The following CACNA2D3 variants were observed in gnomAD, a reference collection of about 807,000 sequenced individuals.
CACNA2D3 encodes the protein voltage-dependent calcium channel subunit alpha-2/delta-3.
In CACNA2D3, 60 loss-of-function variants were observed where a neutral mutation model predicts 160.6. That is an observed-to-expected ratio of 0.37 (90% confidence interval 0.30 to 0.46). The LOEUF (loss-of-function observed/expected upper bound fraction) is 0.46, where lower values mean the gene tolerates loss of function less well. Among genes scored for constraint, CACNA2D3 ranks in the 20% least tolerant of loss-of-function variants. The probability of loss-of-function intolerance (pLI) is 1.00; values close to 1 mark genes in which losing one functional copy is unlikely to be tolerated. For synonymous variants in CACNA2D3, 558 were observed against 492.9 expected, an observed-to-expected ratio of 1.13 and a Z score of -1.75; for missense variants, 1,205 against 1,365.0, an observed-to-expected ratio of 0.88 and a Z score of 1.85.
chr3:54,357,766 G>A (rs2107538613), intron 3 of CACNA2D3, among the ~76,000 whole-genome samples: 1 of 152,308 alleles, frequency 6.6e-6, no homozygotes, highest in Non-Finnish European at 1.5e-5. Flanking sequence ...ACTATGAGAA[G>A]ACCTGGAGGA....
intron 35 of CACNA2D3, among the ~76,000 whole-genome samples, chr3:55,056,836 A>C (rs358062): frequency 0.27 from 40,488 of 152,100 alleles, 6,545 homozygotes; most frequent in African/African-American, 0.45. Flanking sequence ...TTGAAGGGTA[A>C]AAAATCTCAC....
chr3:54,542,268 G>T (rs1046808673), intron 5 of CACNA2D3, among the ~76,000 whole-genome samples: 1 of 151,962 alleles, frequency 6.6e-6, no homozygotes, highest in Non-Finnish European at 1.5e-5. Context: ...TACCATGTTG[G>T]CCAGGATGGT....
At chr3:54,877,060 A>G (rs903364896) in intron 18 of CACNA2D3, 6 of 152,228 alleles carry the variant, frequency 3.9e-5, no homozygotes, top group African/African-American at 1.4e-4. Context: ...GTAAACCTAC[A>G]GGCAGTTAAG....
intron 25 of CACNA2D3, among the ~76,000 whole-genome samples, chr3:54,892,913 G>T (rs114084022): frequency 2.0e-5 from 3 of 152,098 alleles, no homozygotes; most frequent in African/African-American, 7.2e-5. Context: ...ATCTCACTTG[G>T]GTATCTTCAT....
intron 11 of CACNA2D3, among the ~76,000 whole-genome samples, chr3:54,647,045 A>G (rs566802302): frequency 1.3e-5 from 2 of 152,360 alleles, no homozygotes; most frequent in Non-Finnish European, 2.9e-5. Flanking sequence ...CCTCAGTCTT[A>G]CAGCAAAAAG....
At chr3:54,719,481 A>C (rs1701128457) in intron 11 of CACNA2D3, among the ~76,000 whole-genome samples, 2 of 152,138 alleles carry the variant, frequency 1.3e-5, no homozygotes, top group South Asian at 4.1e-4. Flanking sequence ...TGATAAAATA[A>C]CTTTACATTC....
chr3:54,277,007 G>A (rs1702758812), intron 2 of CACNA2D3, among the ~76,000 whole-genome samples: 2 of 152,288 alleles, frequency 1.3e-5, no homozygotes, highest in Middle Eastern at 3.4e-3. Flanking sequence ...TCAAATTCAG[G>A]GCCTGTCCTT....
intron 29 of CACNA2D3, among the ~76,000 whole-genome samples, chr3:54,973,908 G>A (rs2222682): frequency 0.51 from 77,961 of 151,960 alleles, 20,390 homozygotes; most frequent in East Asian, 0.68. Context: ...GCAAGGAGTG[G>A]CACCTTCCTG....
intron 2 of CACNA2D3, among the ~76,000 whole-genome samples, chr3:54,148,521 A>G (rs11717065): frequency 0.2 from 30,848 of 152,132 alleles, 3,215 homozygotes; most frequent in South Asian, 0.25. Flanking sequence ...TTGCAGGGTC[A>G]GAGTCAGTGT....
At chr3:54,269,138 T>A (rs1702571143) in intron 2 of CACNA2D3, among the ~76,000 whole-genome samples, 1 of 152,082 alleles carries the variant, frequency 6.6e-6, no homozygotes, top group Admixed American at 6.5e-5. Context: ...AAACCACAGT[T>A]TGGGGCCTGG....
At chr3:54,997,876 T>C (rs779769927) in intron 31 of CACNA2D3, among the ~76,000 whole-genome samples, 14 of 152,200 alleles carry the variant, frequency 9.2e-5, no homozygotes, top group African/African-American at 1.9e-4. Flanking sequence ...GATTCTTCGA[T>C]GAGGCCTCAT....
intron 27 of CACNA2D3, among the ~76,000 whole-genome samples, chr3:54,934,796 A>G (rs970840392): frequency 1.3e-5 from 2 of 152,154 alleles, no homozygotes; most frequent in African/African-American, 2.4e-5. Flanking sequence ...CAGTGGCGCT[A>G]TCGTAGCTCA....
intron 27 of CACNA2D3, among the ~76,000 whole-genome samples, chr3:54,909,733 C>T (rs990138232): frequency 1.3e-5 from 2 of 149,498 alleles, no homozygotes; most frequent in South Asian, 4.2e-4. Flanking sequence ...TGGGGCCCTG[C>T]AACATTTACA....
chr3:54,189,718 T>C (rs1700945441), intron 2 of CACNA2D3, among the ~76,000 whole-genome samples: 1 of 152,164 alleles, frequency 6.6e-6, no homozygotes, highest in African/African-American at 2.4e-5. Flanking sequence ...TCCTTCCCAC[T>C]GGATTGGGCA....
At chr3:55,033,303 A>T (rs1354237017) in intron 35 of CACNA2D3, among the ~76,000 whole-genome samples, 1 of 152,120 alleles carries the variant, frequency 6.6e-6, no homozygotes, top group Non-Finnish European at 1.5e-5. Context: ...AGTAGCATAA[A>T]CATGGTAAGT....
Position 54,608,020 on chromosome 3 carries a change from G to A in CACNA2D3, c.964-19767G>A, listed in dbSNP as rs563100722. ...GACTAGGAGTGGAGGGGAGTATAGG[G>A]CGATAAAGGGTTATTGCAAGGGAGT... is the stretch of plus-strand genomic sequence containing the variant. On this transcript the variant is annotated intron_variant, in intron 9 of 37. Coordinates refer to ENST00000474759, the MANE Select transcript of CACNA2D3 (RefSeq NM_018398.3). Among the ~76,000 whole-genome samples, 14 of 152,224 alleles carry A rather than the reference G, an allele frequency of 9.2e-5. No homozygotes were observed. The South Asian group carries it at 2.7e-3, about 29-fold the overall frequency.
intron 15 of CACNA2D3, among the ~76,000 whole-genome samples, chr3:54,838,163 G>A (rs1003718463): frequency 6.6e-6 from 1 of 152,234 alleles, no homozygotes; most frequent in African/African-American, 2.4e-5. Context: ...CCAGATGGCA[G>A]TGTAAATTGA....
chr3:54,321,922 CA>C (rs1214395409), intron 3 of CACNA2D3, among the ~76,000 whole-genome samples: 3,484 of 100,678 alleles, frequency 0.035, 85 homozygotes, highest in African/African-American at 0.12. Context: ...GAAATCCTTG[CA>C]AAAAAAAAAA....
At chr3:54,464,427 C>G (rs1559488719) in intron 4 of CACNA2D3, among the ~76,000 whole-genome samples, 1 of 152,242 alleles carries the variant, frequency 6.6e-6, no homozygotes, top group Non-Finnish European at 1.5e-5. Flanking sequence ...TGGGCTCCAC[C>G]CAGTTCGAGC....
Sources: gnomAD v4.1 joint callset for allele counts (sites outside exome capture counted in the v4.1 genomes callset) on GRCh38, gnomAD v4.1.1 for gene constraint, MANE v1.5 for transcripts, NCBI Gene and HGNC (gene_info 2026-07-23, HGNC 2026-07-21) for gene names.